INTU: variants seen among roughly 807,000 people sequenced by gnomAD.
INTU encodes protein inturned.
Under a neutral mutation model 100.5 loss-of-function variants are expected in INTU, and 68 were observed. The observed-to-expected ratio is 0.68, with a 90% CI of 0.56 to 0.83. The LOEUF is 0.83. Among genes scored for constraint, INTU ranks in the 40% least tolerant of loss-of-function variants. The pLI is 0.00. For missense variants in INTU, 1,071 were observed against 1,114.7 expected (o/e 0.96, Z 0.56); for synonymous variants, 357 against 395.7 (o/e 0.90, Z 1.16).
In INTU at chr4:127,709,041, A is replaced by G. The variant is rs555403561; in HGVS notation, c.2369+373A>G. 2.4e-4 allele frequency among the ~76,000 whole-genome samples: 36 copies of G among 152,222 alleles called. No individual in the cohort carries two copies. The South Asian group carries it at 7.1e-3, about 30-fold the overall frequency. Reference sequence around the variant, plus strand: ...TTAGCTCAGGGTATTCCTTTCCAACACTTGAGAATGGTGGCTGCTAATGCC... The same window carrying G: ...TTAGCTCAGGGTATTCCTTTCCAACGCTTGAGAATGGTGGCTGCTAATGCC... On this transcript the variant is annotated intron_variant, in intron 13 of 15. Transcript: ENST00000335251.
intron 2 of INTU, among the ~76,000 whole-genome samples, chr4:127,645,055 A>T (rs982214640): frequency 2.6e-5 from 4 of 152,210 alleles, no homozygotes; most frequent in Non-Finnish European, 4.4e-5. Context: ...AAGTGTCATC[A>T]TAGGGGTTTA....
At chr4:127,641,593 CGTATGGCTAAGCTGGGTGACTTTCCT>C (rs1172225045) in intron 1 of INTU, among the ~76,000 whole-genome samples, 3 of 151,868 alleles carry the variant, frequency 2.0e-5, no homozygotes, top group Non-Finnish European at 1.5e-5. Context: ...GTGACTCTCC[CGTATGGCTAAGCTGGGTGACTTTCCT>C]GTATGGCTAA....
intron 5 of INTU, among the ~76,000 whole-genome samples, chr4:127,673,920 TG>T (rs960425320): frequency 6.6e-6 from 1 of 151,032 alleles, no homozygotes; most frequent in Non-Finnish European, 1.5e-5. Flanking sequence ...TCTGTTTTTT[TG>T]TTTTTTTTTT....
intron 11 of INTU, 125 bp downstream of exon 11, chr4:127,705,937 C>T (rs758568482): frequency 4.7e-5 from 32 of 674,678 alleles, no homozygotes; most frequent in Admixed American, 2.7e-4. Context: ...AATACACAAA[C>T]ATGCTCATGT....
chr4:127,677,974 T>C (rs1489298834), intron 6 of INTU, among the ~76,000 whole-genome samples: 2 of 152,144 alleles, frequency 1.3e-5, no homozygotes, highest in African/African-American at 4.8e-5. Flanking sequence ...CAGGAGCCGA[T>C]GCAATCAACT....
At chr4:127,688,462 G>C (rs1729935798) in intron 8 of INTU, among the ~76,000 whole-genome samples, 1 of 152,154 alleles carries the variant, frequency 6.6e-6, no homozygotes, top group East Asian at 1.9e-4. Flanking sequence ...CATCAGTGTA[G>C]ATCACCATAT....
At chr4:127,704,823 C>T (rs943203755) in intron 10 of INTU, among the ~76,000 whole-genome samples, 2 of 151,930 alleles carry the variant, frequency 1.3e-5, no homozygotes, top group African/African-American at 4.8e-5. Flanking sequence ...CATGGTGGCT[C>T]ACACCTGTAA....
chr4:127,653,651 C>T, intron 2 of INTU, among the ~76,000 whole-genome samples: 1 of 150,730 alleles, frequency 6.6e-6, no homozygotes, highest in Non-Finnish European at 1.5e-5. Context: ...ACTATGTGGT[C>T]AATTTTGGAA....
rs1242485837 is a variant in INTU, at chr4:127,721,078, A to G, written c.*4642A>G. On this transcript the variant is annotated 3_prime_UTR_variant, in exon 16 of 16. Transcript: ENST00000335251. ...GCTTCATAGTGTTACTGATCTGTGT[A>G]TTTCAATGTGTTTTTTGTAGCGGCT... 1 of 151,884 alleles carries G rather than the reference A, an allele frequency of 6.6e-6. No homozygotes were observed. The highest frequency in any genetic ancestry group is 1.5e-5 in the Non-Finnish European group (1 of 68,020). 9.4% of individuals were successfully genotyped at this position (151,884 alleles called of 1,614,324 possible).
intron 6 of INTU, among the ~76,000 whole-genome samples, chr4:127,676,989 G>C (rs866298835): frequency 2.0e-5 from 3 of 151,784 alleles, no homozygotes; most frequent in African/African-American, 7.2e-5. Flanking sequence ...ACGGAGTCTC[G>C]CTGATTGCTA....
At chr4:127,710,169 G>A (rs1731042537) in intron 13 of INTU, among the ~76,000 whole-genome samples, 2 of 152,054 alleles carry the variant, frequency 1.3e-5, no homozygotes, top group East Asian at 1.9e-4. Flanking sequence ...AAATTCACAT[G>A]TGGTGTAAAT....
chr4:127,649,607 G>C (rs1453997907), intron 2 of INTU, among the ~76,000 whole-genome samples: 2 of 151,964 alleles, frequency 1.3e-5, no homozygotes, highest in African/African-American at 2.4e-5. Context: ...TCCTTTGAGG[G>C]TCACGTTGGT....
rs1445744546 is a variant in INTU, at chr4:127,665,380, C to T, written c.972+1796C>T. Among the ~76,000 whole-genome samples the T allele has an allele frequency of 8.6e-5, 13 of 151,912 alleles. No homozygotes were observed. The South Asian group carries it at 1.0e-3, about 12-fold the overall frequency. On this transcript the variant is annotated intron_variant, in intron 4 of 15. Transcript: ENST00000335251. ...TTCTTTACTCATCATCCTCTTACATCGGAAACTGTCTTTATTGGATCATTC... is the reference window on the plus strand; with the variant it reads ...TTCTTTACTCATCATCCTCTTACATTGGAAACTGTCTTTATTGGATCATTC...
chr4:127,654,104 G>A (rs1251683960), intron 2 of INTU, among the ~76,000 whole-genome samples: 4 of 149,980 alleles, frequency 2.7e-5, no homozygotes, highest in African/African-American at 9.9e-5. Flanking sequence ...TTTATTTTGA[G>A]CCTATGTGTG....
chr4:127,658,753 A>G (rs1728346543), intron 3 of INTU, among the ~76,000 whole-genome samples: 1 of 152,230 alleles, frequency 6.6e-6, no homozygotes. Flanking sequence ...AAAGGGAGAG[A>G]AAGAAATTAG....
At chr4:127,692,454 T>C (rs1418827117) in intron 8 of INTU, among the ~76,000 whole-genome samples, 1 of 152,118 alleles carries the variant, frequency 6.6e-6, no homozygotes, top group Non-Finnish European at 1.5e-5. Flanking sequence ...TTTTTCTTGC[T>C]GATTTGTTTG....
intron 2 of INTU, 134 bp downstream of exon 2, chr4:127,644,190 G>A: frequency 3.2e-6 from 3 of 937,118 alleles, no homozygotes; most frequent in Non-Finnish European, 4.7e-6. Context: ...ATTTGGTACA[G>A]TAGAGAAATG....
At chr4:127,638,127 A>G (rs1408309808) in intron 1 of INTU, among the ~76,000 whole-genome samples, 1 of 152,232 alleles carries the variant, frequency 6.6e-6, no homozygotes, top group Non-Finnish European at 1.5e-5. Context: ...GACAGAACAC[A>G]GAAAAGAAAA....
intron 6 of INTU, among the ~76,000 whole-genome samples, chr4:127,683,445 C>T (rs1305348356): frequency 6.6e-6 from 1 of 152,174 alleles, no homozygotes; most frequent in East Asian, 1.9e-4. Context: ...TGCATAAGCA[C>T]CTCTTCAGTG....
Sources: gnomAD v4.1 joint callset for allele counts (sites outside exome capture counted in the v4.1 genomes callset) on GRCh38, gnomAD v4.1.1 for gene constraint, MANE v1.5 for transcripts, NCBI Gene and HGNC (gene_info 2026-07-23, HGNC 2026-07-21) for gene names.